Variants in SLC12A1 observed in about 807,000 individuals in gnomAD.
The protein encoded by SLC12A1 is Na-K-2Cl cotransporter.
In SLC12A1, 89 loss-of-function variants were observed where a neutral mutation model predicts 130.4. That is an observed-to-expected ratio of 0.68 (90% confidence interval 0.58 to 0.81). The LOEUF (loss-of-function observed/expected upper bound fraction) is 0.81, where lower values mean the gene tolerates loss of function less well. SLC12A1 is among the 40% of genes least tolerant of loss of function. The probability of loss-of-function intolerance (pLI) is 0.00; values close to 1 mark genes in which losing one functional copy is unlikely to be tolerated. For missense variants in SLC12A1, 1,310 were observed against 1,336.4 expected (o/e 0.98, Z 0.31); for synonymous variants, 499 against 460.0 (o/e 1.08, Z -1.09).
At chr15:48,285,820 G>A (rs1369527863) in intron 21 of SLC12A1, among the ~76,000 whole-genome samples, 12 of 152,212 alleles carry the variant, frequency 7.9e-5, no homozygotes, top group Admixed American at 5.9e-4. Flanking sequence ...AGGATCAGAG[G>A]TTGGGAGAGC....
chr15:48,302,807 G>A lies in SLC12A1; in HGVS notation c.3222G>A (p.Leu1074=). The A allele has an allele frequency of 6.2e-7, 1 of 1,613,246 alleles. No individual in the cohort carries two copies. Among genetic ancestry groups the A allele is most frequent in the Non-Finnish European group, 8.5e-7 (1 of 1,179,450 alleles). ...CGGATTTGTTGTATATGGCTTGGTT[G>A]GAAATCCTCACAAAGAACCTCCCAC... ...SISDLLYMAW[L]EILTKNLPPV... is the part of the protein sequence containing the mutation. Residue 1074 remains leucine, a synonymous_variant, in exon 27 of 27, where the codon TTG becomes TTA. Coordinates refer to ENST00000380993, the MANE Select transcript of SLC12A1 (RefSeq NM_000338.3).
In SLC12A1 at chr15:48,303,866, T is replaced by C. The variant is rs1162388967; in HGVS notation, c.*981T>C. 1 of 152,226 alleles carries C rather than the reference T, an allele frequency of 6.6e-6. No homozygotes were observed. The highest frequency in any genetic ancestry group is 6.5e-5 in the Admixed American group (1 of 15,276). 9.4% of individuals were successfully genotyped at this position (152,226 alleles called of 1,614,324 possible). A position where few individuals can be genotyped will look rare whatever the true frequency, so the allele number is the denominator to read the frequency against. On this transcript the variant is annotated 3_prime_UTR_variant, in exon 27 of 27. Coordinates refer to ENST00000380993, the MANE Select transcript of SLC12A1 (RefSeq NM_000338.3). ...TTAAAAGAATAATTAAAATGTGAAG[T>C]TGAAAAACTTGTAAAATTTGGAATA...
At chr15:48,255,325 C>T (rs996578114) in intron 15 of SLC12A1, among the ~76,000 whole-genome samples, 4 of 151,830 alleles carry the variant, frequency 2.6e-5, no homozygotes, top group African/African-American at 9.7e-5. Context: ...GTAGTCACAG[C>T]TACTCAGGAG....
At position 48,302,576 on chromosome 15, in the gene SLC12A1, T is replaced by C. The variant is rs3858902; in HGVS notation, c.3165-174T>C. 0.83 allele frequency among the ~76,000 whole-genome samples: 115,077 copies of C among 138,730 alleles called. 49,716 individuals are homozygous for C. The highest frequency in any genetic ancestry group is 0.96 in the Middle Eastern group (274 of 284). 91.0% of individuals were successfully genotyped at this position (138,730 alleles called of 152,430 possible). ...CGGAGCTTGCAGTGAGCCGAGATTG[T>C]GCCACTGCAGTCCGCAGTCCGGCCT... On this transcript the variant is annotated intron_variant, in intron 26 of 26. Transcript: ENST00000380993.
intron 24 of SLC12A1, among the ~76,000 whole-genome samples, chr15:48,294,234 A>G (rs1444652641): frequency 6.6e-6 from 1 of 150,494 alleles, no homozygotes; most frequent in African/African-American, 2.4e-5. Context: ...TGTAGTCCCA[A>G]CTACTCTGGA....
chr15:48,301,252 A>G lies in SLC12A1; in HGVS notation c.3097-63A>G, dbSNP rs573715031. 1.4e-5 allele frequency: 16 copies of G among 1,105,554 alleles called. No individual in the cohort carries two copies. In the African/African-American group the frequency reaches 2.5e-4, roughly 17 times the overall value. The allele number at this position is 1,105,554 out of a possible 1,614,324, so 68.5% of individuals were successfully genotyped here. Reference sequence around the variant, plus strand: ...TTTTCTGCTTGTTCATGATTTAAGAAAATAAATTCTCATTCATAATTCTGG... The same window carrying G: ...TTTTCTGCTTGTTCATGATTTAAGAGAATAAATTCTCATTCATAATTCTGG... On this transcript the variant is annotated intron_variant, in intron 25 of 26. Coordinates refer to ENST00000380993, the MANE Select transcript of SLC12A1 (RefSeq NM_000338.3).
intron 16 of SLC12A1, among the ~76,000 whole-genome samples, chr15:48,256,830 C>CT (rs1042015315): frequency 1.0e-4 from 15 of 144,760 alleles, no homozygotes; most frequent in Admixed American, 2.7e-4. Flanking sequence ...TGGCCCCCCC[C>CT]CCCAAATTTC....
At position 48,299,045 on chromosome 15, in the gene SLC12A1, A is replaced by T. The variant is rs2042205474; in HGVS notation, c.2961-95A>T. The T allele has an allele frequency of 3.7e-6, 4 of 1,080,768 alleles. No homozygotes were observed. In the African/African-American group the frequency reaches 4.9e-5, roughly 13 times the overall value. 66.9% of individuals were successfully genotyped at this position (1,080,768 alleles called of 1,614,324 possible). A position where few individuals can be genotyped will look rare whatever the true frequency, so the allele number is the denominator to read the frequency against. On this transcript the variant is annotated intron_variant, in intron 24 of 26. Coordinates refer to ENST00000380993, the MANE Select transcript of SLC12A1 (RefSeq NM_000338.3). Reference sequence around the variant, plus strand: ...AAGATTTGCATGATATTCAGCTCTGATTCCACAGCCAGCAGAGCCAGTCAC... The same window carrying T: ...AAGATTTGCATGATATTCAGCTCTGTTTCCACAGCCAGCAGAGCCAGTCAC...
chr15:48,284,683 A>G (rs1385713523), intron 20 of SLC12A1, among the ~76,000 whole-genome samples: 2 of 152,202 alleles, frequency 1.3e-5, no homozygotes, highest in African/African-American at 4.8e-5. Flanking sequence ...TCTATTGCCC[A>G]GGCTGCAGTG....
At chr15:48,300,731 A>G (rs557059508) in intron 25 of SLC12A1, among the ~76,000 whole-genome samples, 2 of 152,236 alleles carry the variant, frequency 1.3e-5, no homozygotes, top group South Asian at 4.1e-4. Flanking sequence ...AATAAAAAAT[A>G]TTACTCTCAT....
intron 24 of SLC12A1, among the ~76,000 whole-genome samples, chr15:48,296,515 A>G (rs894867078): frequency 2.6e-5 from 4 of 152,226 alleles, no homozygotes; most frequent in African/African-American, 9.6e-5. Flanking sequence ...ACTAGAAGCA[A>G]TTAAGTAGGT....
rs1317547429 is a variant in SLC12A1 at position 48,221,055 on chromosome 15, TC to T, written c.628+60del. The T allele has an allele frequency of 3.7e-5, 54 of 1,463,046 alleles. 1 individual carries two copies. The highest frequency in any genetic ancestry group is 5.0e-5 in the Non-Finnish European group (52 of 1,043,732). 90.6% of individuals were successfully genotyped at this position (1,463,046 alleles called of 1,614,324 possible). The stretch of plus-strand genomic sequence containing the variant: ...TGTAAATCATAAATTCAATAAGCAA[TC>T]TTTTTTCACCATTAATACTGAATGT... On this transcript the variant is annotated intron_variant, in intron 4 of 26. Coordinates refer to ENST00000380993, the MANE Select transcript of SLC12A1 (RefSeq NM_000338.3).
Position 48,269,349 on chromosome 15 carries a change from A to G in SLC12A1, c.2296-309A>G, listed in dbSNP as rs117224002. Among the ~76,000 whole-genome samples the G allele has an allele frequency of 1.4e-4, 22 of 152,358 alleles. No homozygotes were observed. In the East Asian group the frequency reaches 4.0e-3, roughly 28 times the overall value. On this transcript the variant is annotated intron_variant, in intron 18 of 26. Coordinates refer to ENST00000380993, the MANE Select transcript of SLC12A1 (RefSeq NM_000338.3). The stretch of plus-strand genomic sequence containing the variant: ...GTTACAACATGCATACCAACAGTTA[A>G]GCTGACCCTCACTTGATTTTAAATT...
rs1199519926 is a variant in SLC12A1, at chr15:48,207,700, T to C, written c.-20T>C. On this transcript the variant is annotated 5_prime_UTR_variant, in exon 2 of 27. Transcript: ENST00000380993. Reference sequence around the variant, plus strand: ...AACAACCACAAAGTAGATAGCTCAGTAAAAAATCAATTTTGGAAGATGTCA... The same window carrying C: ...AACAACCACAAAGTAGATAGCTCAGCAAAAAATCAATTTTGGAAGATGTCA... 2.6e-6 allele frequency: 4 copies of C among 1,529,478 alleles called. No individual in the cohort carries two copies. Among genetic ancestry groups the C allele is most frequent in the Non-Finnish European group, 3.5e-6 (4 of 1,142,100 alleles). The allele number at this position is 1,529,478 out of a possible 1,614,324, so 94.7% of individuals were successfully genotyped here.
chr15:48,292,913 G>C (rs1265997810), intron 24 of SLC12A1, among the ~76,000 whole-genome samples: 1 of 151,886 alleles, frequency 6.6e-6, no homozygotes, highest in African/African-American at 2.4e-5. Context: ...ATATTTTTGG[G>C]GGTTTTGTGG....
At position 48,303,047 on chromosome 15, in the gene SLC12A1, CT is replaced by C. The variant is rs1481479677; in HGVS notation, c.*170del. The C allele has an allele frequency of 5.1e-5, 26 of 509,182 alleles. No individual in the cohort carries two copies. The highest frequency in any genetic ancestry group is 1.3e-4 in the East Asian group (4 of 30,338). The allele number at this position is 509,182 out of a possible 1,614,324, so 31.5% of individuals were successfully genotyped here. On this transcript the variant is annotated 3_prime_UTR_variant, in exon 27 of 27. Coordinates refer to ENST00000380993, the MANE Select transcript of SLC12A1 (RefSeq NM_000338.3). The stretch of plus-strand genomic sequence containing the variant: ...CATAATTTTTATCAGTTAATGCGAG[CT>C]TTTTTTTCTCTTCTCAGCTTAAGGG...
rs569828612 is a variant in SLC12A1, at chr15:48,239,157, C to G, written c.1216-2358C>G. 9.2e-5 allele frequency among the ~76,000 whole-genome samples: 14 copies of G among 152,270 alleles called. No homozygotes were observed. In the South Asian group the frequency reaches 2.7e-3, roughly 29 times the overall value. On this transcript the variant is annotated intron_variant, in intron 9 of 26. Coordinates refer to ENST00000380993, the MANE Select transcript of SLC12A1 (RefSeq NM_000338.3). ...CTTTCTAAGAGAAAGCTAGCCAGACCAGACAATGTGAATATCTAATCATAC... is the reference window on the plus strand; with the variant it reads ...CTTTCTAAGAGAAAGCTAGCCAGACGAGACAATGTGAATATCTAATCATAC...
chr15:48,287,681 C>G (rs2042073969), intron 21 of SLC12A1, among the ~76,000 whole-genome samples: 1 of 152,136 alleles, frequency 6.6e-6, no homozygotes, highest in Non-Finnish European at 1.5e-5. Flanking sequence ...TGATTTATAT[C>G]TGAGATTTTG....
In SLC12A1 at chr15:48,244,759, G is replaced by C. The variant is rs750223162; in HGVS notation, c.1307G>C (p.Cys436Ser). The C allele has an allele frequency of 1.2e-6, 2 of 1,613,784 alleles. No individual in the cohort carries two copies. Among genetic ancestry groups the C allele is most frequent in the East Asian group, 2.2e-5 (1 of 44,884 alleles). The change falls in exon 11 of 27, where the codon TGT (cysteine) becomes TCT (serine). Residue 436 changes from cysteine (C) to serine (S), a missense_variant. Coordinates refer to ENST00000380993, the MANE Select transcript of SLC12A1 (RefSeq NM_000338.3). ...GCCACGGTTGTTTCCACAGGGGCCT[G>C]TGTGGTCCGAGATGCCACCGGGAAC... ...YLGVAICVGA[C>S]VVRDATGNMN...
Sources: allele counts gnomAD v4.1 joint callset (sites outside exome capture counted in the v4.1 genomes callset), GRCh38; gene constraint gnomAD v4.1.1; transcripts MANE v1.5; gene names NCBI Gene and HGNC (gene_info 2026-07-23, HGNC 2026-07-21).